Variants in ROR2 observed in about 807,000 individuals in gnomAD.
ROR2 encodes the protein tyrosine-protein kinase transmembrane receptor ROR2.
A neutral mutation model predicts 74.9 loss-of-function variants in ROR2; 33 were observed. The ratio of observed to expected loss-of-function variants is 0.44; its 90% CI spans 0.33 to 0.59. ROR2 has a LOEUF of 0.59. Among genes scored for constraint, ROR2 ranks in the 20% least tolerant of loss-of-function variants. The pLI is 0.02. For synonymous variants in ROR2, 586 were observed against 558.7 expected (o/e 1.05, Z -0.69); for missense variants, 1,216 against 1,313.8 (o/e 0.93, Z 1.15).
At chr9:91,779,463 C>T (rs1460855224) in intron 1 of ROR2, among the ~76,000 whole-genome samples, 2 of 151,500 alleles carry the variant, frequency 1.3e-5, no homozygotes, top group African/African-American at 2.4e-5. Context: ...CTCTGCCTCC[C>T]GGGTCCAAGC....
chr9:91,780,881 T>G (rs1251725993), intron 1 of ROR2, among the ~76,000 whole-genome samples: 1 of 152,222 alleles, frequency 6.6e-6, no homozygotes. Context: ...ATTCTCTCAT[T>G]AACAGCAGTC....
chr9:91,775,621 CA>C, intron 2 of ROR2, 119 bp downstream of exon 2: 1 of 882,010 alleles, frequency 1.1e-6, no homozygotes, highest in Non-Finnish European at 1.9e-6. Flanking sequence ...TACCCACCAC[CA>C]GGGGGCACCA....
In ROR2 at chr9:91,792,603, A is replaced by G. The variant is rs553083853; in HGVS notation, c.98-16785T>C. 1.4e-4 allele frequency among the ~76,000 whole-genome samples: 22 copies of G among 152,304 alleles called. No homozygotes were observed. The South Asian group carries it at 2.9e-3, about 20-fold the overall frequency. ...GATTACAGGCATGAGCCATGCGCCC[A>G]GCCAAGGCCTGGTTCTTTGAAAAGA... On this transcript the variant is annotated intron_variant, in intron 1 of 8. Coordinates refer to ENST00000375708, the MANE Select transcript of ROR2 (RefSeq NM_004560.4).
At chr9:91,913,866 T>C (rs1831054307) in intron 1 of ROR2, among the ~76,000 whole-genome samples, 1 of 152,124 alleles carries the variant, frequency 6.6e-6, no homozygotes, top group African/African-American at 2.4e-5. Context: ...TTTCCCAACA[T>C]GAAAAGTTCG....
At chr9:91,908,748 G>A (rs1048994049) in intron 1 of ROR2, among the ~76,000 whole-genome samples, 1 of 152,174 alleles carries the variant, frequency 6.6e-6, no homozygotes, top group Non-Finnish European at 1.5e-5. Context: ...GCTCCACTGA[G>A]ATTTTAAACA....
chr9:91,912,280 AAC>A (rs1454657422), intron 1 of ROR2, among the ~76,000 whole-genome samples: 1 of 152,228 alleles, frequency 6.6e-6, no homozygotes, highest in South Asian at 2.1e-4. Flanking sequence ...GGGAATATGG[AAC>A]AGTTTTTGCA....
chr9:91,869,790 CA>C (rs1473296764), intron 1 of ROR2, among the ~76,000 whole-genome samples: 1 of 152,034 alleles, frequency 6.6e-6, no homozygotes, highest in East Asian at 1.9e-4. Flanking sequence ...CTACATATCA[CA>C]AAAATCTATT....
rs1280968883 is a variant in ROR2, at chr9:91,723,971, C to T, written c.2523G>A (p.Gln841=). The change falls in exon 9 of 9, where the codon CAG becomes CAA. Residue 841 remains glutamine, a synonymous_variant. Transcript: ENST00000375708. ...GCTGCGGGGCCATCTGCATTGGGATCTGCACCGGGTAGAAGTTGGGCAGGT... is the reference window on the plus strand; with the variant it reads ...GCTGCGGGGCCATCTGCATTGGGATTTGCACCGGGTAGAAGTTGGGCAGGT... The part of the protein sequence containing the change: ...GAYLPNFYPV[Q]IPMQMAPQQV... 1 of 1,613,216 alleles carries T rather than the reference C, an allele frequency of 6.2e-7. No individual in the cohort carries two copies. The highest frequency in any genetic ancestry group is 2.2e-5 in the East Asian group (1 of 44,888).
chr9:91,895,528 T>C (rs1488315256), intron 1 of ROR2, among the ~76,000 whole-genome samples: 2 of 152,228 alleles, frequency 1.3e-5, no homozygotes, highest in Non-Finnish European at 2.9e-5. Flanking sequence ...TATTTTGTTG[T>C]GAACCTAAAA....
At chr9:91,882,320 A>T (rs1223947373) in intron 1 of ROR2, among the ~76,000 whole-genome samples, 1 of 151,822 alleles carries the variant, frequency 6.6e-6, no homozygotes, top group Non-Finnish European at 1.5e-5. Flanking sequence ...CTGAGGCAGG[A>T]GAATCACTTG....
chr9:91,805,315 T>C (rs1286634407), intron 1 of ROR2, among the ~76,000 whole-genome samples: 2 of 152,210 alleles, frequency 1.3e-5, no homozygotes, highest in African/African-American at 4.8e-5. Flanking sequence ...GAGACCATCA[T>C]CCAGCATTCC....
At chr9:91,800,736 C>T (rs1478998601) in intron 1 of ROR2, among the ~76,000 whole-genome samples, 2 of 152,228 alleles carry the variant, frequency 1.3e-5, no homozygotes, top group Non-Finnish European at 2.9e-5. Flanking sequence ...CCAAGCCATT[C>T]CCAGCGGGCT....
rs746313235 is a variant in ROR2 at position 91,733,190 on chromosome 9, G to A, written c.869C>T (p.Pro290Leu). 1 of 1,610,594 alleles carries A rather than the reference G, an allele frequency of 6.2e-7. No individual in the cohort carries two copies. Among genetic ancestry groups the A allele is most frequent in the Admixed American group, 1.7e-5 (1 of 59,704 alleles). ...RLQLPKCEALPMPESPDAANC... is the reference protein window; with the variant it reads ...RLQLPKCEALLMPESPDAANC... ...GGCAGCGTCGGGGCTCTCAGGCATGGGCAGCGCCTCACACTTGGGCAGCTG... is the reference window on the plus strand; with the variant it reads ...GGCAGCGTCGGGGCTCTCAGGCATGAGCAGCGCCTCACACTTGGGCAGCTG... Residue 290 changes from proline (P) to leucine (L), a missense_variant, in exon 6 of 9, where the codon CCC becomes CTC. Coordinates refer to ENST00000375708, the MANE Select transcript of ROR2 (RefSeq NM_004560.4). This position sits in a 1 kb window ranked among gnomAD's most constrained non-coding sequence, Gnocchi z 5.7.
chr9:91,857,612 C>T (rs1034028510), intron 1 of ROR2, among the ~76,000 whole-genome samples: 4 of 152,138 alleles, frequency 2.6e-5, no homozygotes, highest in Non-Finnish European at 4.4e-5. Context: ...TGTTACACAC[C>T]GGCTGCTAGG....
chr9:91,885,082 T>C (rs1007687012), intron 1 of ROR2, among the ~76,000 whole-genome samples: 6 of 152,134 alleles, frequency 3.9e-5, no homozygotes, highest in African/African-American at 9.7e-5. Context: ...GAACCCAACA[T>C]TGCAAAGCCA....
chr9:91,772,791 A>C (rs115228219), intron 2 of ROR2, among the ~76,000 whole-genome samples: 17 of 152,322 alleles, frequency 1.1e-4, no homozygotes, highest in African/African-American at 4.1e-4. Flanking sequence ...ACAACAACAA[A>C]AAAGTCAAGA....
chr9:91,788,308 C>T (rs1826862570), intron 1 of ROR2, among the ~76,000 whole-genome samples: 1 of 152,074 alleles, frequency 6.6e-6, no homozygotes, highest in Non-Finnish European at 1.5e-5. Context: ...GAAAACATAA[C>T]TGAAAACTCA....
At chr9:91,822,367 G>A (rs1283247231) in intron 1 of ROR2, among the ~76,000 whole-genome samples, 1 of 152,146 alleles carries the variant, frequency 6.6e-6, no homozygotes. Flanking sequence ...AAGGTGAGCT[G>A]GGGTACCTCA....
At chr9:91,775,254 A>C (rs908003347) in intron 2 of ROR2, among the ~76,000 whole-genome samples, 5 of 152,218 alleles carry the variant, frequency 3.3e-5, no homozygotes, top group Non-Finnish European at 7.4e-5. Context: ...ACAGGTCTGC[A>C]TCCGGGGGAA....
Sources: gnomAD v4.1 joint callset for allele counts (sites outside exome capture counted in the v4.1 genomes callset) on GRCh38, gnomAD v4.1.1 for gene constraint, Gnocchi (gnomAD v3.1) non-coding constraint, MANE v1.5 for transcripts, NCBI Gene and HGNC (gene_info 2026-07-23, HGNC 2026-07-21) for gene names.